The following FRMD1 variants were observed in gnomAD, a reference collection of about 807,000 sequenced individuals.
FRMD1 encodes FERM domain containing 1, also known as FERM domain-containing protein 1.
Under a neutral mutation model 54.9 loss-of-function variants are expected in FRMD1, and 51 were observed. The observed-to-expected ratio is 0.93, with a 90% CI of 0.74 to 1.17. The LOEUF is 1.17. Among genes scored for constraint, FRMD1 ranks in the 50% most tolerant of loss-of-function variants. FRMD1 has a pLI of 0.00. For missense variants in FRMD1, 729 were observed against 743.0 expected, an observed-to-expected ratio of 0.98 and a Z score of 0.22; for synonymous variants, 324 against 306.4, an observed-to-expected ratio of 1.06 and a Z score of -0.60.
At chr6:168,058,937 C>A (rs1799564752) in intron 10 of FRMD1, among the ~76,000 whole-genome samples, 187 bp downstream of exon 10, 1 of 152,194 alleles carries the variant, frequency 6.6e-6, no homozygotes, top group African/African-American at 2.4e-5. Flanking sequence ...AGGCCTCCAC[C>A]CACGTCCACC....
At chr6:168,066,865 C>T (rs1296179856) in intron 3 of FRMD1, 34 bp from the exon 4 acceptor site, 2 of 1,607,138 alleles carry the variant, frequency 1.2e-6, no homozygotes, top group Non-Finnish European at 1.7e-6. Context: ...AGCAAGTGAG[C>T]CGCAGGGAGG....
At chr6:168,076,363 T>A (rs1800593385) in intron 1 of FRMD1, among the ~76,000 whole-genome samples, 1 of 152,250 alleles carries the variant, frequency 6.6e-6, no homozygotes, top group Non-Finnish European at 1.5e-5. Flanking sequence ...ACTGTAAGAC[T>A]GACTTCCTTA....
intron 5 of FRMD1, 109 bp from the exon 6 acceptor site, chr6:168,063,865 C>A: frequency 7.6e-7 from 1 of 1,310,460 alleles, no homozygotes. Flanking sequence ...TGGTGCCAAC[C>A]TCGGTGGGCA....
intron 4 of FRMD1, chr6:168,066,220 C>T (rs1800018632): frequency 1.3e-5 from 13 of 987,930 alleles, no homozygotes; most frequent in African/African-American, 1.7e-5. Context: ...CACTTTAGGC[C>T]GGGCACGGTG....
chr6:168,053,555 A>C lies in FRMD1; in HGVS notation c.*3542T>G, dbSNP rs1799325882. On this transcript the variant is annotated 3_prime_UTR_variant, in exon 11 of 11. Coordinates refer to ENST00000283309, the MANE Select transcript of FRMD1 (RefSeq NM_024919.6). ...AGCCTCCCCTACGCGGGCCCCACAC[A>C]CCCACAGGGCCCTCAGTGCCCCTCA... The C allele has an allele frequency of 1.3e-5, 2 of 152,252 alleles. No individual in the cohort carries two copies. The highest frequency in any genetic ancestry group is 1.5e-5 in the Non-Finnish European group (1 of 68,072). The allele number at this position is 152,252 out of a possible 1,614,324, so 9.4% of individuals were successfully genotyped here. A position where few individuals can be genotyped will look rare whatever the true frequency, so the allele number is the denominator to read the frequency against.
At chr6:168,064,011 G>C (rs1047359649) in intron 5 of FRMD1, among the ~76,000 whole-genome samples, 1 of 152,202 alleles carries the variant, frequency 6.6e-6, no homozygotes, top group Admixed American at 6.5e-5. Flanking sequence ...CTCCTCAGAC[G>C]TCTGCAGGTG....
At chr6:168,067,503 C>A (rs749110668) in intron 2 of FRMD1, 57 bp from the exon 3 acceptor site, 2 of 1,131,890 alleles carry the variant, frequency 1.8e-6, no homozygotes, top group Non-Finnish European at 2.6e-6. Flanking sequence ...CAGGTGTCAC[C>A]GTGTGTTCAA....
intron 4 of FRMD1, 68 bp from the exon 5 acceptor site, chr6:168,065,125 C>T (rs1306923329): frequency 2.0e-6 from 3 of 1,521,310 alleles, no homozygotes; most frequent in Non-Finnish European, 2.6e-6. Flanking sequence ...CTGGCCCTGC[C>T]TTGTCCCTCC....
At position 168,053,637 on chromosome 6, in the gene FRMD1, A is replaced by G. The variant is rs1042395142; in HGVS notation, c.*3460T>C. On this transcript the variant is annotated 3_prime_UTR_variant, in exon 11 of 11. Coordinates refer to ENST00000283309, the MANE Select transcript of FRMD1 (RefSeq NM_024919.6). ...GTGGAAGGGGCCGCCTGTCCCAAAC[A>G]CGGACGGCTTTTTCTGCAAGTTTTA... The G allele has an allele frequency of 2.3e-5, 3 of 129,210 alleles. No individual in the cohort carries two copies. The highest frequency in any genetic ancestry group is 9.6e-5 in the African/African-American group (3 of 31,098). 8.0% of individuals were successfully genotyped at this position (129,210 alleles called of 1,614,324 possible).
intron 4 of FRMD1, 59 bp downstream of exon 4, chr6:168,066,696 G>T (rs1046786786): frequency 6.4e-7 from 1 of 1,551,740 alleles, no homozygotes; most frequent in Non-Finnish European, 8.7e-7. Flanking sequence ...GGACTTCCAC[G>T]TCATGCGGCA....
At chr6:168,070,452 C>T (rs1800253461) in intron 2 of FRMD1, among the ~76,000 whole-genome samples, 1 of 152,090 alleles carries the variant, frequency 6.6e-6, no homozygotes, top group South Asian at 2.1e-4. Context: ...GACCTTCATA[C>T]TGTGGGTGGG....
Position 168,060,865 on chromosome 6 carries a change from A to T in FRMD1, c.1238T>A (p.Met413Lys). 1 of 1,613,802 alleles carries T rather than the reference A, an allele frequency of 6.2e-7. No individual in the cohort carries two copies. ...ANSWLRESRE[M>K]SVDVPLEVHG... ...GACCTCCAAGGGCACGTCCACAGACATCTCTCTGGATTCCCTGAGCCAGGA... is the reference window on the plus strand; with the variant it reads ...GACCTCCAAGGGCACGTCCACAGACTTCTCTCTGGATTCCCTGAGCCAGGA... Residue 413 changes from methionine (M) to lysine (K), a missense_variant, in exon 9 of 11, where the codon ATG becomes AAG. By Grantham distance (95) the Met-to-Lys change is moderately conservative. Coordinates refer to ENST00000283309, the MANE Select transcript of FRMD1 (RefSeq NM_024919.6).
Position 168,075,320 on chromosome 6 carries a change from G to C in FRMD1, c.229C>G (p.Arg77Gly), listed in dbSNP as rs1800533994. Reference protein sequence around the residue: ...RLAVGVKATGRELFQQVCNVA... With the variant: ...RLAVGVKATGGELFQQVCNVA... ...TTGCACACTTGCTGGAAAAGCTCGC[G>C]GCCAGTAGCCTTCACCTGCAAAAGA... Residue 77 changes from arginine (R) to glycine (G), a missense_variant, in exon 2 of 11, where the codon CGC (arginine) becomes GGC (glycine). Transcript: ENST00000283309. 6.2e-7 allele frequency: 1 copy of C among 1,612,940 alleles called. No individual in the cohort carries two copies. Among genetic ancestry groups the C allele is most frequent in the Non-Finnish European group, 8.5e-7 (1 of 1,179,990 alleles).
At position 168,056,970 on chromosome 6, in the gene FRMD1, G is replaced by C. The variant is rs927039487; in HGVS notation, c.*127C>G. On this transcript the variant is annotated 3_prime_UTR_variant, in exon 11 of 11. Coordinates refer to ENST00000283309, the MANE Select transcript of FRMD1 (RefSeq NM_024919.6). ...CTCCACACCTCTTACAGGTGAACCT[G>C]TGGAGCGTGCTGGCTGCGGAAGTGC... is the stretch of plus-strand genomic sequence containing the variant. 3.4e-6 allele frequency: 4 copies of C among 1,173,180 alleles called. No individual in the cohort carries two copies. The highest frequency in any genetic ancestry group is 3.3e-5 in the Admixed American group (1 of 30,108). 72.7% of individuals were successfully genotyped at this position (1,173,180 alleles called of 1,614,324 possible).
Position 168,057,046 on chromosome 6 carries a change from G to A in FRMD1, c.*51C>T. The A allele has an allele frequency of 7.0e-7, 1 of 1,433,402 alleles. No homozygotes were observed. The allele number at this position is 1,433,402 out of a possible 1,614,324, so 88.8% of individuals were successfully genotyped here. ...GACGAGGGCCATGTGGAAGTGGGGT[G>A]GGCAGGGGCTGAGCCTGGCGGTGCG... is the stretch of plus-strand genomic sequence containing the variant. On this transcript the variant is annotated 3_prime_UTR_variant, in exon 11 of 11. Transcript: ENST00000283309.
At chr6:168,090,001 G>A (rs1334730585) in intron 1 of FRMD1, among the ~76,000 whole-genome samples, 2 of 152,170 alleles carry the variant, frequency 1.3e-5, no homozygotes, top group Non-Finnish European at 2.9e-5. Flanking sequence ...TGCTCAGGCT[G>A]TAGGATGCGG....
rs745637697 is a variant in FRMD1 at position 168,078,883 on chromosome 6, C to A, written c.212G>T (p.Gly71Val). The A allele has an allele frequency of 6.3e-7, 1 of 1,583,918 alleles. No homozygotes were observed. Among genetic ancestry groups the A allele is most frequent in the Admixed American group, 1.7e-5 (1 of 59,440 alleles). Residue 71 changes from glycine to valine, a missense_variant and splice_region_variant, in exon 1 of 11, where the codon GGG becomes GTG. Coordinates refer to ENST00000283309, the MANE Select transcript of FRMD1 (RefSeq NM_024919.6). Reference protein sequence around the residue: ...PSREQLRLAVGVKATGRELFQ... With the variant: ...PSREQLRLAVVVKATGRELFQ... ...ACGGCCACCCAGGGCCCTGCTCACC[C>A]CCACGGCCAGCCGCAGTTGCTCCCG...
At chr6:168,063,046 C>A in intron 6 of FRMD1, 87 bp from the exon 7 acceptor site, 2 of 1,116,350 alleles carry the variant, frequency 1.8e-6, no homozygotes, top group South Asian at 2.5e-5. Context: ...TGGCTAGGGG[C>A]CGAGGGCTCC....
chr6:168,075,416 G>A (rs1800541092), intron 1 of FRMD1, 81 bp from the exon 2 acceptor site: 3 of 1,142,740 alleles, frequency 2.6e-6, no homozygotes, highest in Non-Finnish European at 3.9e-6. Context: ...GAGGCCCAGC[G>A]GGGCACCAGG....
Sources: gnomAD v4.1 joint callset for allele counts (sites outside exome capture counted in the v4.1 genomes callset) on GRCh38, gnomAD v4.1.1 for gene constraint, MANE v1.5 for transcripts, NCBI Gene and HGNC (gene_info 2026-07-23, HGNC 2026-07-21) for gene names.